Variants in ITCH observed in about 807,000 individuals in gnomAD.
The protein encoded by ITCH is E3 ubiquitin-protein ligase Itchy homolog.
In ITCH, 28 loss-of-function variants were observed where a neutral mutation model predicts 126.8. That is an observed-to-expected ratio of 0.22 (90% confidence interval 0.16 to 0.30). The LOEUF is 0.30. ITCH is among the 10% of genes least tolerant of loss of function. The pLI, the probability that ITCH is intolerant of heterozygous loss-of-function variation, is 1.00. For synonymous variants in ITCH, 342 were observed against 340.0 expected, an observed-to-expected ratio of 1.01 and a Z score of -0.06; for missense variants, 631 against 1,032.4, an observed-to-expected ratio of 0.61 and a Z score of 5.33.
At chr20:34,421,696 T>A (rs1172571572) in intron 6 of ITCH, among the ~76,000 whole-genome samples, 1 of 152,116 alleles carries the variant, frequency 6.6e-6, no homozygotes, top group Non-Finnish European at 1.5e-5. Flanking sequence ...TGGCTTCACT[T>A]TATATTGGAG....
Position 34,505,948 on chromosome 20 carries a change from AAATT to A in ITCH, c.2489+1550_2489+1553del, listed in dbSNP as rs1391100928. ...ATATACAGTATTTCATTCCTTTTTAAAATTAATTGTTGGGTTTAATATACATAAC... is the reference window on the plus strand; with the variant it reads ...ATATACAGTATTTCATTCCTTTTTAAAATTGTTGGGTTTAATATACATAAC... On this transcript the variant is annotated intron_variant, in intron 24 of 24. Coordinates refer to ENST00000374864, the MANE Select transcript of ITCH (RefSeq NM_031483.7). Among the ~76,000 whole-genome samples the A allele has an allele frequency of 3.3e-5, 5 of 152,220 alleles. No individual in the cohort carries two copies. In the South Asian group the frequency reaches 1.0e-3, roughly 32 times the overall value.
At chr20:34,473,021 CTT>C (rs747212105) in intron 16 of ITCH, among the ~76,000 whole-genome samples, 1 of 152,164 alleles carries the variant, frequency 6.6e-6, no homozygotes, top group Non-Finnish European at 1.5e-5. Context: ...AACCTAAAGT[CTT>C]TTGCAAAATA....
intron 13 of ITCH, among the ~76,000 whole-genome samples, chr20:34,460,223 C>T (rs1399792832): frequency 6.6e-6 from 1 of 151,980 alleles, no homozygotes; most frequent in Non-Finnish European, 1.5e-5. Context: ...AGGTCTCAGT[C>T]TGTCACCCAG....
intron 6 of ITCH, among the ~76,000 whole-genome samples, chr20:34,416,399 AAAAG>A (rs1359110686): frequency 6.6e-6 from 1 of 152,236 alleles, no homozygotes; most frequent in African/African-American, 2.4e-5. Context: ...ACTGGGTCTC[AAAAG>A]AAAGAAAAGA....
At chr20:34,433,573 G>T (rs149752405) in intron 7 of ITCH, among the ~76,000 whole-genome samples, 1 of 151,026 alleles carries the variant, frequency 6.6e-6, no homozygotes, top group African/African-American at 2.4e-5. Context: ...GGAGGATCAC[G>T]TGAGCCTGGG....
chr20:34,498,285 T>G (rs6059875), intron 23 of ITCH, among the ~76,000 whole-genome samples: 73,105 of 151,990 alleles, frequency 0.48, 17,870 homozygotes, highest in Middle Eastern at 0.51. Context: ...TGCGAACAGG[T>G]ATAGTTCAAC....
At chr20:34,484,374 A>G (rs574372419) in intron 20 of ITCH, among the ~76,000 whole-genome samples, 6 of 152,298 alleles carry the variant, frequency 3.9e-5, no homozygotes, top group South Asian at 2.1e-4. Flanking sequence ...AAAGTATACT[A>G]TTTAACACAG....
chr20:34,483,841 A>G (rs1459237484), intron 20 of ITCH, among the ~76,000 whole-genome samples: 1 of 152,168 alleles, frequency 6.6e-6, no homozygotes, highest in Non-Finnish European at 1.5e-5. Flanking sequence ...AGAGTGGACA[A>G]TTTACAAAAG....
At chr20:34,418,696 TTAAA>T (rs1379388422) in intron 6 of ITCH, among the ~76,000 whole-genome samples, 5 of 152,004 alleles carry the variant, frequency 3.3e-5, no homozygotes, top group African/African-American at 1.2e-4. Context: ...GCTCAGAATA[TTAAA>T]TAATTTACTT....
chr20:34,442,388 T>C (rs2146294046), intron 10 of ITCH, 85 bp downstream of exon 10: 1 of 1,020,602 alleles, frequency 9.8e-7, no homozygotes, highest in South Asian at 1.3e-5. Context: ...ATTTCTGTTT[T>C]ACTTTTTCTT....
chr20:34,507,570 G>A, intron 24 of ITCH, 125 bp from the exon 25 acceptor site: 1 of 732,988 alleles, frequency 1.4e-6, no homozygotes, highest in African/African-American at 1.8e-5. Context: ...CTTTCTTGAT[G>A]GTATCCTTTG....
intron 6 of ITCH, chr20:34,417,132 G>C (rs1979986506): frequency 1.5e-6 from 1 of 659,964 alleles, no homozygotes; most frequent in African/African-American, 1.9e-5. Context: ...GTTTCGCTCT[G>C]TTTGCCCAGG....
At chr20:34,407,458 G>A (rs113127147) in intron 3 of ITCH, among the ~76,000 whole-genome samples, 5 of 152,152 alleles carry the variant, frequency 3.3e-5, no homozygotes, top group African/African-American at 1.2e-4. Flanking sequence ...TAGTAGAGAC[G>A]AGGTTTCGCC....
intron 7 of ITCH, among the ~76,000 whole-genome samples, chr20:34,427,626 A>G (rs1471842264): frequency 2.0e-5 from 3 of 152,138 alleles, no homozygotes; most frequent in African/African-American, 7.2e-5. Context: ...AAGAAAAGCA[A>G]TAGGACAGGT....
intron 2 of ITCH, among the ~76,000 whole-genome samples, chr20:34,384,436 A>G (rs1428796898): frequency 6.6e-6 from 1 of 150,910 alleles, no homozygotes; most frequent in African/African-American, 2.4e-5. Flanking sequence ...ATGCGCCACC[A>G]TGTCCAGCTC....
intron 3 of ITCH, among the ~76,000 whole-genome samples, chr20:34,404,373 T>C (rs1460557239): frequency 6.6e-6 from 1 of 151,848 alleles, no homozygotes; most frequent in Non-Finnish European, 1.5e-5. Flanking sequence ...GGTTTTGCAG[T>C]GTGACCCTTG....
chr20:34,414,699 C>T (rs999980082), intron 6 of ITCH, among the ~76,000 whole-genome samples: 7 of 151,940 alleles, frequency 4.6e-5, no homozygotes, highest in Admixed American at 2.6e-4. Flanking sequence ...AGGCTAGTCT[C>T]GAACTCTTGA....
In ITCH at chr20:34,442,286, A is replaced by G; in HGVS notation, c.948A>G (p.Pro316=). The part of the protein sequence containing the change: ...HVEKRTTWDR[P]EPLPPGWERR... The stretch of plus-strand genomic sequence containing the variant: ...AGAAAAGAACAACATGGGATAGACC[A>G]GAACCTCTACCTCCTGGGTAAGTAT... The change falls in exon 10 of 25, where the codon CCA becomes CCG. Residue 316 remains proline (P), a synonymous_variant. Coordinates refer to ENST00000374864, the MANE Select transcript of ITCH (RefSeq NM_031483.7). 6.2e-7 allele frequency: 1 copy of G among 1,611,512 alleles called. No individual in the cohort carries two copies. The highest frequency in any genetic ancestry group is 1.7e-4 in the Middle Eastern group (1 of 6,060).
intron 7 of ITCH, among the ~76,000 whole-genome samples, chr20:34,432,508 T>C (rs1449460460): frequency 6.6e-6 from 1 of 152,198 alleles, no homozygotes; most frequent in Non-Finnish European, 1.5e-5. Context: ...TATGAAATAT[T>C]GTTCATCTTT....
Sources: gnomAD v4.1 joint callset for allele counts (sites outside exome capture counted in the v4.1 genomes callset) on GRCh38, gnomAD v4.1.1 for gene constraint, MANE v1.5 for transcripts, NCBI Gene and HGNC (gene_info 2026-07-23, HGNC 2026-07-21) for gene names.